The following S100A9 variants were observed in gnomAD, a reference collection of about 807,000 sequenced individuals.
S100A9 encodes the protein S100 calcium binding protein A9.
Under a neutral mutation model 4.3 loss-of-function variants are expected in S100A9, and 2 were observed. The ratio of observed to expected loss-of-function variants is 0.47; its 90% CI spans 0.19 to 1.48. The LOEUF (loss-of-function observed/expected upper bound fraction) is 1.48, where lower values mean the gene tolerates loss of function less well. Ranked by LOEUF, S100A9 falls within the 40% of genes most tolerant of loss-of-function variation. The pLI, the probability that S100A9 is intolerant of heterozygous loss-of-function variation, is 0.24. For synonymous variants in S100A9, 67 were observed against 54.0 expected, an observed-to-expected ratio of 1.24 and a Z score of -1.06; for missense variants, 130 against 144.4, an observed-to-expected ratio of 0.90 and a Z score of 0.51.
chr1:153,360,886 T>A lies in S100A9; in HGVS notation c.*48T>A, dbSNP rs1661440030. The stretch of plus-strand genomic sequence containing the variant: ...GTGGCCACGGCCACGGCCACAGTCA[T>A]GGTGGCCACGGCCACAGCCACTAAT... On this transcript the variant is annotated 3_prime_UTR_variant, in exon 3 of 3. Coordinates refer to ENST00000368738, the MANE Select transcript of S100A9 (RefSeq NM_002965.4). 1 of 1,400,148 alleles carries A rather than the reference T, an allele frequency of 7.1e-7. No homozygotes were observed. The highest frequency in any genetic ancestry group is 2.4e-5 in the Admixed American group (1 of 41,538). The allele number at this position is 1,400,148 out of a possible 1,614,324, so 86.7% of individuals were successfully genotyped here.
At chr1:153,360,045 C>CT (rs1391185111) in intron 2 of S100A9, among the ~76,000 whole-genome samples, 5 of 152,220 alleles carry the variant, frequency 3.3e-5, no homozygotes, top group African/African-American at 1.2e-4. Context: ...ATACTCTGCT[C>CT]TCTGACCCTC....
chr1:153,360,455 T>A (rs576688878), intron 2 of S100A9, among the ~76,000 whole-genome samples, 189 bp from the exon 3 acceptor site: 1 of 152,308 alleles, frequency 6.6e-6, no homozygotes, highest in South Asian at 2.1e-4. Context: ...GGGAATAAAC[T>A]GGAGAGCGTT....
At chr1:153,358,502 T>A in intron 2 of S100A9, 69 bp downstream of exon 2, 1 of 1,270,766 alleles carries the variant, frequency 7.9e-7, no homozygotes, top group African/African-American at 1.5e-5. Context: ...AGGATGGGAG[T>A]ATGGGCTACA....
chr1:153,360,691 G>A lies in S100A9; in HGVS notation c.198G>A (p.Leu66=). 4 of 1,614,026 alleles carry A rather than the reference G, an allele frequency of 2.5e-6. No homozygotes were observed. Among genetic ancestry groups the A allele is most frequent in the Non-Finnish European group, 3.4e-6 (4 of 1,179,918 alleles). Residue 66 remains leucine (L), a synonymous_variant, in exon 3 of 3, where the codon CTG becomes CTA. Transcript: ENST00000368738. ...EKVIEHIMED[L]DTNADKQLSF... ...TCATAGAACACATCATGGAGGACCTGGACACAAATGCAGACAAGCAGCTGA... is the reference window on the plus strand; with the variant it reads ...TCATAGAACACATCATGGAGGACCTAGACACAAATGCAGACAAGCAGCTGA...
chr1:153,358,497 G>A (rs904784904), intron 2 of S100A9, 64 bp downstream of exon 2: 6 of 1,312,320 alleles, frequency 4.6e-6, no homozygotes. Flanking sequence ...AAGGGAGGAT[G>A]GGAGTATGGG....
chr1:153,360,695 A>T lies in S100A9; in HGVS notation c.202A>T (p.Thr68Ser). The change falls in exon 3 of 3, where the codon ACA (threonine) becomes TCA (serine). Residue 68 changes from threonine to serine, a missense_variant. By Grantham distance (58) the Thr-to-Ser change is moderately conservative. Transcript: ENST00000368738. ...VIEHIMEDLD[T>S]NADKQLSFEE... ...AGAACACATCATGGAGGACCTGGAC[A>T]CAAATGCAGACAAGCAGCTGAGCTT... 1.2e-6 allele frequency: 2 copies of T among 1,614,090 alleles called. No individual in the cohort carries two copies. Among genetic ancestry groups the T allele is most frequent in the South Asian group, 2.2e-5 (2 of 91,088 alleles).
intron 2 of S100A9, 122 bp from the exon 3 acceptor site, chr1:153,360,522 T>A (rs1460610878): frequency 6.0e-6 from 4 of 662,226 alleles, no homozygotes; most frequent in Non-Finnish European, 1.1e-5. Flanking sequence ...TCATTTTTAA[T>A]TTTTAAATCC....
rs762411995 is a variant in S100A9 at position 153,360,854 on chromosome 1, G to A, written c.*16G>A. The stretch of plus-strand genomic sequence containing the variant: ...CACCCCCTAAGACCACAGTGGCCAA[G>A]ATCACAGTGGCCACGGCCACGGCCA... On this transcript the variant is annotated 3_prime_UTR_variant, in exon 3 of 3. Transcript: ENST00000368738. The A allele has an allele frequency of 6.4e-7, 1 of 1,564,646 alleles. No homozygotes were observed. The highest frequency in any genetic ancestry group is 8.7e-7 in the Non-Finnish European group (1 of 1,151,164).
chr1:153,359,564 G>A (rs1661408181), intron 2 of S100A9, among the ~76,000 whole-genome samples: 1 of 152,066 alleles, frequency 6.6e-6, no homozygotes, highest in Non-Finnish European at 1.5e-5. Context: ...TACCCCACAG[G>A]TTCTGGGAGG....
chr1:153,360,552 C>T, intron 2 of S100A9, 92 bp from the exon 3 acceptor site: 1 of 826,238 alleles, frequency 1.2e-6, no homozygotes, highest in Non-Finnish European at 2.0e-6. Flanking sequence ...GTGAGGCTTC[C>T]CTTGTACATT....
At chr1:153,360,205 C>CT (rs1431504287) in intron 2 of S100A9, among the ~76,000 whole-genome samples, 3 of 152,148 alleles carry the variant, frequency 2.0e-5, no homozygotes, top group Non-Finnish European at 4.4e-5. Context: ...GAACTGGCCT[C>CT]TAAGTCAGAT....
intron 2 of S100A9, among the ~76,000 whole-genome samples, chr1:153,359,584 G>T (rs1661410773): frequency 1.3e-5 from 2 of 152,100 alleles, no homozygotes; most frequent in Middle Eastern, 3.4e-3. Context: ...GGGACTTAGC[G>T]AGGTGACTCA....
Position 153,360,872 on chromosome 1 carries a change from C to T in S100A9, c.*34C>T. Reference sequence around the variant, plus strand: ...TGGCCAAGATCACAGTGGCCACGGCCACGGCCACAGTCATGGTGGCCACGG... The same window carrying T: ...TGGCCAAGATCACAGTGGCCACGGCTACGGCCACAGTCATGGTGGCCACGG... On this transcript the variant is annotated 3_prime_UTR_variant, in exon 3 of 3. Coordinates refer to ENST00000368738, the MANE Select transcript of S100A9 (RefSeq NM_002965.4). The T allele has an allele frequency of 6.7e-7, 1 of 1,491,090 alleles. No homozygotes were observed. Among genetic ancestry groups the T allele is most frequent in the Non-Finnish European group, 9.0e-7 (1 of 1,105,060 alleles). The allele number at this position is 1,491,090 out of a possible 1,614,324, so 92.4% of individuals were successfully genotyped here.
chr1:153,358,818 G>C (rs1661395020), intron 2 of S100A9, among the ~76,000 whole-genome samples: 1 of 152,172 alleles, frequency 6.6e-6, no homozygotes, highest in Non-Finnish European at 1.5e-5. Context: ...ATGGGGCTGG[G>C]TGGGGTGGAG....
Position 153,360,893 on chromosome 1 carries a change from C to A in S100A9, c.*55C>A. 2 of 1,373,756 alleles carry A rather than the reference C, an allele frequency of 1.5e-6. No homozygotes were observed. The highest frequency in any genetic ancestry group is 2.0e-6 in the Non-Finnish European group (2 of 1,018,924). The allele number at this position is 1,373,756 out of a possible 1,614,324, so 85.1% of individuals were successfully genotyped here. On this transcript the variant is annotated 3_prime_UTR_variant, in exon 3 of 3. Transcript: ENST00000368738. ...CGGCCACGGCCACAGTCATGGTGGC[C>A]ACGGCCACAGCCACTAATCAGGAGG...
chr1:153,359,345 G>A (rs1359514722), intron 2 of S100A9, among the ~76,000 whole-genome samples: 3 of 151,956 alleles, frequency 2.0e-5, no homozygotes, highest in Non-Finnish European at 4.4e-5. Context: ...CTCTCCATAG[G>A]TGGAGGCCTC....
rs940994287 is a variant in S100A9, at chr1:153,358,344, C to A, written c.61C>A (p.Gln21Lys). The change falls in exon 2 of 3, where the codon CAA becomes AAA. Residue 21 changes from glutamine (Q) to lysine (K), a missense_variant. Physicochemically the swap from Gln to Lys is moderately conservative, Grantham distance 53. Transcript: ENST00000368738. Reference protein sequence around the residue: ...NIETIINTFHQYSVKLGHPDT... With the variant: ...NIETIINTFHKYSVKLGHPDT... ...AGAGACCATCATCAACACCTTCCAC[C>A]AATACTCTGTGAAGCTGGGGCACCC... 7.0e-5 allele frequency: 113 copies of A among 1,612,912 alleles called. No homozygotes were observed. The highest frequency in any genetic ancestry group is 9.4e-5 in the Non-Finnish European group (111 of 1,179,222).
chr1:153,360,860 AGTGGCCACGGCCACGGCCACAGTCATG>A lies in S100A9; in HGVS notation c.*37_*63del, dbSNP rs777809131. 36 of 1,546,514 alleles carry A rather than the reference AGTGGCCACGGCCACGGCCACAGTCATG, an allele frequency of 2.3e-5. No homozygotes were observed. The highest frequency in any genetic ancestry group is 1.7e-4 in the Middle Eastern group (1 of 5,764). The stretch of plus-strand genomic sequence containing the variant: ...CTAAGACCACAGTGGCCAAGATCAC[AGTGGCCACGGCCACGGCCACAGTCATG>A]GTGGCCACGGCCACAGCCACTAATC... On this transcript the variant is annotated 3_prime_UTR_variant, in exon 3 of 3. Transcript: ENST00000368738.
At chr1:153,359,030 G>A (rs1371974056) in intron 2 of S100A9, among the ~76,000 whole-genome samples, 1 of 152,124 alleles carries the variant, frequency 6.6e-6, no homozygotes, top group Non-Finnish European at 1.5e-5. Context: ...AATGCATAAA[G>A]AGCACATGGA....
Sources: allele counts gnomAD v4.1 joint callset (sites outside exome capture counted in the v4.1 genomes callset), GRCh38; gene constraint gnomAD v4.1.1; transcripts MANE v1.5; gene names NCBI Gene and HGNC (gene_info 2026-07-23, HGNC 2026-07-21).